Variants in C12orf42 observed in about 807,000 individuals in gnomAD.
C12orf42 encodes uncharacterized protein C12orf42.
A neutral mutation model predicts 21.6 loss-of-function variants in C12orf42; 25 were observed. The observed-to-expected ratio is 1.16, with a 90% CI of 0.84 to 1.62. The LOEUF (loss-of-function observed/expected upper bound fraction) is 1.62, where lower values mean the gene tolerates loss of function less well. Among genes scored for constraint, C12orf42 ranks in the 40% most tolerant of loss-of-function variants. The pLI is 0.00. For synonymous variants in C12orf42, 174 were observed against 175.0 expected (o/e 0.99, Z 0.05); for missense variants, 483 against 459.3 (o/e 1.05, Z -0.47).
the C12orf42 span, among the ~76,000 whole-genome samples, chr12:103,553,561 AC>A: frequency 6.6e-6 from 1 of 152,232 alleles, no homozygotes; most frequent in African/African-American, 2.4e-5. Flanking sequence ...CAGGAAAAAA[AC>A]AATTTCATTA....
the C12orf42 span, among the ~76,000 whole-genome samples, chr12:103,126,166 C>G: frequency 3.9e-5 from 6 of 152,226 alleles, no homozygotes; most frequent in Admixed American, 3.9e-4. Flanking sequence ...GAAATCTAGG[C>G]AATGCCACTG....
At chr12:103,377,769 AC>A (rs963592275) in intron 3 of C12orf42, among the ~76,000 whole-genome samples, 16 of 152,104 alleles carry the variant, frequency 1.1e-4, no homozygotes, top group Admixed American at 3.9e-4. Context: ...AACCTTCAGG[AC>A]CCAGGTTTTT....
intron 1 of C12orf42, among the ~76,000 whole-genome samples, chr12:103,489,598 G>A (rs893954594): frequency 1.3e-5 from 2 of 152,166 alleles, no homozygotes; most frequent in Admixed American, 1.3e-4. Flanking sequence ...GAGCTATGGT[G>A]GGTTCCCCCA....
chr12:103,513,298 T>G, the C12orf42 span, among the ~76,000 whole-genome samples: 3 of 152,248 alleles, frequency 2.0e-5, no homozygotes, highest in Admixed American at 6.5e-5. Flanking sequence ...TAGCTCTATT[T>G]GGCCATTTTT....
intron 2 of C12orf42, among the ~76,000 whole-genome samples, chr12:103,449,035 G>A (rs1951758624): frequency 6.6e-6 from 1 of 151,812 alleles, no homozygotes; most frequent in Non-Finnish European, 1.5e-5. Flanking sequence ...CAAAAATACA[G>A]AAGCAGCCCA....
chr12:103,424,295 T>C (rs1194350462), intron 2 of C12orf42, among the ~76,000 whole-genome samples: 1 of 152,258 alleles, frequency 6.6e-6, no homozygotes, highest in Non-Finnish European at 1.5e-5. Flanking sequence ...AATATGTTGC[T>C]ACTTCCTTTT....
At chr12:103,274,641 CTG>C (rs1196188085) in intron 5 of C12orf42, among the ~76,000 whole-genome samples, 1 of 152,112 alleles carries the variant, frequency 6.6e-6, no homozygotes, top group Non-Finnish European at 1.5e-5. Flanking sequence ...GTCTGTCTGT[CTG>C]TGTGTGTCTG....
chr12:103,462,504 G>A (rs1032246610), intron 2 of C12orf42, among the ~76,000 whole-genome samples: 1 of 152,084 alleles, frequency 6.6e-6, no homozygotes, highest in Non-Finnish European at 1.5e-5. Context: ...AACATCATAG[G>A]TGGTTGCTGT....
chr12:103,363,968 T>C (rs575119342), intron 4 of C12orf42, among the ~76,000 whole-genome samples: 3 of 152,078 alleles, frequency 2.0e-5, no homozygotes, highest in Admixed American at 2.0e-4. Flanking sequence ...AAACAATGGA[T>C]TTAAACTATA....
chr12:103,121,625 C>A, the C12orf42 span, among the ~76,000 whole-genome samples: 1 of 152,212 alleles, frequency 6.6e-6, no homozygotes, highest in Non-Finnish European at 1.5e-5. Flanking sequence ...ACGCTATCAT[C>A]ATCCCAAGTA....
At chr12:103,195,376 T>C in the C12orf42 span, among the ~76,000 whole-genome samples, 1 of 152,158 alleles carries the variant, frequency 6.6e-6, no homozygotes, top group Non-Finnish European at 1.5e-5. Flanking sequence ...TCAAACTGCT[T>C]TCCGGAGTGG....
At chr12:103,142,224 G>A in the C12orf42 span, among the ~76,000 whole-genome samples, 1 of 152,244 alleles carries the variant, frequency 6.6e-6, no homozygotes, top group East Asian at 1.9e-4. Flanking sequence ...AAATTAATGA[G>A]ATTGTTAAAG....
chr12:103,474,622 C>T (rs1341857844), intron 2 of C12orf42, among the ~76,000 whole-genome samples: 3 of 152,146 alleles, frequency 2.0e-5, no homozygotes, highest in African/African-American at 7.2e-5. Context: ...TCAAATAAAT[C>T]TATCAACCAG....
At chr12:103,158,016 T>C in the C12orf42 span, among the ~76,000 whole-genome samples, 1 of 152,224 alleles carries the variant, frequency 6.6e-6, no homozygotes, top group Non-Finnish European at 1.5e-5. Context: ...TTTTTTAAAT[T>C]TTCACTCTAT....
intron 4 of C12orf42, among the ~76,000 whole-genome samples, chr12:103,337,475 C>A (rs1171115690): frequency 1.3e-5 from 2 of 152,174 alleles, no homozygotes; most frequent in Non-Finnish European, 2.9e-5. Flanking sequence ...CTCAGCCTCC[C>A]AAGTAGCTAG....
At chr12:103,411,021 TC>T (rs1462234094) in intron 2 of C12orf42, among the ~76,000 whole-genome samples, 1 of 145,986 alleles carries the variant, frequency 6.8e-6, no homozygotes, top group Non-Finnish European at 1.5e-5. Flanking sequence ...CCAAAGTGCC[TC>T]CAAATATACC....
At chr12:103,541,705 T>C in the C12orf42 span, among the ~76,000 whole-genome samples, 20 of 152,244 alleles carry the variant, frequency 1.3e-4, no homozygotes, top group Non-Finnish European at 2.5e-4. Context: ...AGCAGCTTCG[T>C]ACATTTCATG....
intron 2 of C12orf42, among the ~76,000 whole-genome samples, chr12:103,462,095 G>GTTTTTTTTTTTTTTTTTT (rs1565867930): frequency 9.5e-5 from 3 of 31,482 alleles, no homozygotes; most frequent in Non-Finnish European, 2.1e-4. Flanking sequence ...TTTTTTGCTT[G>GTTTTTTTTTTTTTTTTTT]GTTTTTTTTT....
the C12orf42 span, among the ~76,000 whole-genome samples, chr12:103,056,296 C>T: frequency 6.6e-6 from 1 of 152,084 alleles, no homozygotes; most frequent in Non-Finnish European, 1.5e-5. Context: ...TAGTTTTGGC[C>T]TCTGGGGTTT....
Sources: gnomAD v4.1 joint callset for allele counts (sites outside exome capture counted in the v4.1 genomes callset) on GRCh38, gnomAD v4.1.1 for gene constraint, MANE v1.5 for transcripts, NCBI Gene and HGNC (gene_info 2026-07-23, HGNC 2026-07-21) for gene names.